The following PRKACA variants were observed in gnomAD, a reference collection of about 807,000 sequenced individuals.
PRKACA encodes the protein protein kinase cAMP-activated catalytic subunit alpha, also known as cAMP-dependent protein kinase catalytic subunit alpha.
Under a neutral mutation model 45.8 loss-of-function variants are expected in PRKACA, and 9 were observed. That is an observed-to-expected ratio of 0.20 (90% CI 0.12 to 0.34). The LOEUF is 0.34. Ranked by LOEUF, PRKACA falls within the 10% of genes least tolerant of loss-of-function variation. The probability of loss-of-function intolerance (pLI) is 1.00; values close to 1 mark genes in which losing one functional copy is unlikely to be tolerated. For missense variants in PRKACA, 238 were observed against 458.6 expected (o/e 0.52, Z 4.39); for synonymous variants, 160 against 178.6 (o/e 0.90, Z 0.83).
At chr19:14,098,529 T>A (rs1213478484) in intron 5 of PRKACA, 2 of 151,558 alleles carry the variant, frequency 1.3e-5, no homozygotes, top group Non-Finnish European at 2.9e-5. Context: ...ACAGTCTCGC[T>A]CTCTTGCCCA....
rs1487882608 is a variant in PRKACA at position 14,106,899 on chromosome 19, A to G, written c.109-11T>C. 4 of 1,613,414 alleles carry G rather than the reference A, an allele frequency of 2.5e-6. No individual in the cohort carries two copies. The South Asian group carries it at 4.4e-5, about 18-fold the overall frequency. The stretch of plus-strand genomic sequence containing the variant: ...CAAGTGGGCTGTGTTCTGTGGGCAG[A>G]GGGGTCGGTAGGCTCAGGGCACGCC... On this transcript the variant is annotated splice_polypyrimidine_tract_variant and intron_variant, in intron 2 of 9. Coordinates refer to ENST00000308677, the MANE Select transcript of PRKACA (RefSeq NM_002730.4).
At chr19:14,096,031 A>AGTTT in intron 8 of PRKACA, among the ~76,000 whole-genome samples, 1 of 108,920 alleles carries the variant, frequency 9.2e-6, no homozygotes, top group South Asian at 2.9e-4. Flanking sequence ...GCTAATTTTT[A>AGTTT]GTTTTTTTTT....
At chr19:14,113,191 C>T (rs2144493844) in intron 1 of PRKACA, among the ~76,000 whole-genome samples, 1 of 151,870 alleles carries the variant, frequency 6.6e-6, no homozygotes, top group African/African-American at 2.4e-5. Context: ...AAACCGGAAA[C>T]GAGCGGCTAA....
rs1056928643 is a variant in PRKACA at position 14,098,736 on chromosome 19, C to T, written c.420-846G>A. On this transcript the variant is annotated intron_variant, in intron 5 of 9. Transcript: ENST00000308677. Reference sequence around the variant, plus strand: ...GTCTCGAACTCCTGACCTTGTGATTCGCCCGCCTCGGCCTCCCAAAGTGCT... The same window carrying T: ...GTCTCGAACTCCTGACCTTGTGATTTGCCCGCCTCGGCCTCCCAAAGTGCT... Among the ~76,000 whole-genome samples the T allele has an allele frequency of 6.1e-5, 9 of 148,376 alleles. No individual in the cohort carries two copies. In the East Asian group the frequency reaches 8.2e-4, roughly 14 times the overall value.
intron 5 of PRKACA, 136 bp downstream of exon 5, chr19:14,100,690 A>G: frequency 1.2e-6 from 1 of 808,202 alleles, no homozygotes; most frequent in South Asian, 1.5e-5. Context: ...GAGGGGAAAC[A>G]GAAACCCACA....
chr19:14,094,251 C>T (rs376642895), intron 8 of PRKACA, among the ~76,000 whole-genome samples: 15 of 148,002 alleles, frequency 1.0e-4, no homozygotes, highest in East Asian at 4.0e-4. Flanking sequence ...TGCAGTGGTG[C>T]GATCTGGGCT....
Position 14,095,257 on chromosome 19 carries a change from G to A in PRKACA, c.766-1465C>T, listed in dbSNP as rs536038732. Among the ~76,000 whole-genome samples the A allele has an allele frequency of 9.6e-4, 144 of 149,662 alleles. 1 individual carries two copies. The Middle Eastern group carries it at 0.01, about 11-fold the overall frequency. On this transcript the variant is annotated intron_variant, in intron 8 of 9. Coordinates refer to ENST00000308677, the MANE Select transcript of PRKACA (RefSeq NM_002730.4). ...ACAATCTCAGCTCACTGCAACCTCT[G>A]CCTCCCGGTTTCAAGTGATTCTCCT...
At chr19:14,109,983 T>C (rs1275282292) in intron 1 of PRKACA, among the ~76,000 whole-genome samples, 1 of 86,970 alleles carries the variant, frequency 1.1e-5, no homozygotes, top group Admixed American at 1.5e-4. Flanking sequence ...TATATATATA[T>C]ATATATATAT....
chr19:14,111,560 G>A (rs968574956), intron 1 of PRKACA, among the ~76,000 whole-genome samples: 54 of 152,272 alleles, frequency 3.5e-4, no homozygotes, highest in Non-Finnish European at 6.8e-4. Context: ...CCTGAGCCTG[G>A]GGGTCACACC....
At position 14,097,382 on chromosome 19, in the gene PRKACA, A is replaced by G. The variant is rs1192353381; in HGVS notation, c.744T>C (p.Tyr248=). 1 of 1,613,972 alleles carries G rather than the reference A, an allele frequency of 6.2e-7. No homozygotes were observed. Among genetic ancestry groups the G allele is most frequent in the Admixed American group, 1.7e-5 (1 of 60,024 alleles). ...PFFADQPIQI[Y]EKIVSGKVRF... is the part of the protein sequence containing the mutation. Reference sequence around the variant, plus strand: ...TCACCTTCCCAGAGACGATCTTCTCATAGATCTGGATGGGCTGGTCTGCGA... The same window carrying G: ...TCACCTTCCCAGAGACGATCTTCTCGTAGATCTGGATGGGCTGGTCTGCGA... The change falls in exon 8 of 10, where the codon TAT becomes TAC. Residue 248 remains tyrosine, a synonymous_variant. Transcript: ENST00000308677. The surrounding 1 kb of genome is among the most constrained non-coding windows in gnomAD (Gnocchi z 5.4).
At chr19:14,115,792 A>C (rs1967092564) in intron 1 of PRKACA, among the ~76,000 whole-genome samples, 1 of 151,836 alleles carries the variant, frequency 6.6e-6, no homozygotes, top group Admixed American at 6.6e-5. Flanking sequence ...CCCAACTTTC[A>C]ACTGAGCTAC....
chr19:14,106,835 G>A lies in PRKACA; in HGVS notation c.162C>T (p.Ser54=). 1.9e-6 allele frequency: 3 copies of A among 1,614,198 alleles called. No homozygotes were observed. Among genetic ancestry groups the A allele is most frequent in the Non-Finnish European group, 2.5e-6 (3 of 1,180,032 alleles). The change falls in exon 3 of 10, where the codon TCC becomes TCT. Residue 54 remains serine (S), a synonymous_variant. Coordinates refer to ENST00000308677, the MANE Select transcript of PRKACA (RefSeq NM_002730.4). ...GTTTCACCAGCATCACCCGCCCGAA[G>A]GAGCCCGTGCCGAGGGTCTTGATTC... The part of the protein sequence containing the change: ...FERIKTLGTG[S]FGRVMLVKHK...
At chr19:14,106,367 CA>C (rs1448661610) in intron 3 of PRKACA, among the ~76,000 whole-genome samples, 2 of 151,560 alleles carry the variant, frequency 1.3e-5, no homozygotes, top group Non-Finnish European at 2.9e-5. Context: ...ACAAAAAAAC[CA>C]AGCGGCCAGG....
chr19:14,099,800 C>T (rs892705020), intron 5 of PRKACA, among the ~76,000 whole-genome samples: 25 of 151,574 alleles, frequency 1.6e-4, no homozygotes, highest in African/African-American at 5.6e-4. Flanking sequence ...AAAATCTACA[C>T]ATATAAAACT....
Position 14,117,713 on chromosome 19 carries a change from C to G in PRKACA, c.-166G>C, listed in dbSNP as rs1016814022. The G allele has an allele frequency of 2.0e-5, 4 of 200,694 alleles. No homozygotes were observed. Among genetic ancestry groups the G allele is most frequent in the Admixed American group, 6.6e-5 (1 of 15,256 alleles). 12.4% of individuals were successfully genotyped at this position (200,694 alleles called of 1,614,324 possible). On this transcript the variant is annotated 5_prime_UTR_variant, in exon 1 of 10. Transcript: ENST00000308677. ...CCAGCCCCTGCTTCCCGCGTCTCTC[C>G]GCGCCCGCCCGCCCGGGAACCTCAG... is the stretch of plus-strand genomic sequence containing the variant.
intron 3 of PRKACA, among the ~76,000 whole-genome samples, chr19:14,104,463 G>A (rs546539214): frequency 1.8e-4 from 27 of 151,838 alleles, no homozygotes; most frequent in African/African-American, 5.3e-4. Context: ...TTGGGAGGCC[G>A]AGGCCGGTGG....
At chr19:14,114,169 T>G (rs1054449186) in intron 1 of PRKACA, 12 of 1,610,490 alleles carry the variant, frequency 7.5e-6, no homozygotes, top group Non-Finnish European at 1.0e-5. Context: ...TCAGTCCTGT[T>G]CTCAGGGCAC....
rs551003219 is a variant in PRKACA at position 14,106,624 on chromosome 19, A to G, written c.237+136T>C. The G allele has an allele frequency of 7.6e-5, 97 of 1,270,324 alleles. No homozygotes were observed. In the South Asian group the frequency reaches 9.1e-4, roughly 12 times the overall value. 78.7% of individuals were successfully genotyped at this position (1,270,324 alleles called of 1,614,324 possible). A position where few individuals can be genotyped will look rare whatever the true frequency, so the allele number is the denominator to read the frequency against. ...AGCCGAGATCACGCCACTGTACTCCAGCCTGAGCGACAGAGCGAGACTCTG... is the reference window on the plus strand; with the variant it reads ...AGCCGAGATCACGCCACTGTACTCCGGCCTGAGCGACAGAGCGAGACTCTG... On this transcript the variant is annotated intron_variant, in intron 3 of 9. Transcript: ENST00000308677.
chr19:14,104,230 G>T (rs895583920), intron 3 of PRKACA, among the ~76,000 whole-genome samples: 26 of 147,518 alleles, frequency 1.8e-4, no homozygotes, highest in Non-Finnish European at 3.2e-4. Context: ...CCTGCTACTC[G>T]GGAGGCTGAG....
Sources: gnomAD v4.1 joint callset for allele counts (sites outside exome capture counted in the v4.1 genomes callset) on GRCh38, gnomAD v4.1.1 for gene constraint, Gnocchi (gnomAD v3.1) non-coding constraint, MANE v1.5 for transcripts, NCBI Gene and HGNC (gene_info 2026-07-23, HGNC 2026-07-21) for gene names.